GAL3ST1: variants seen among roughly 807,000 people sequenced by gnomAD.
GAL3ST1 encodes galactose-3-O-sulfotransferase 1, also known as galactosylceramide sulfotransferase.
GAL3ST1 carries 13 observed loss-of-function variants against 25.0 expected under a neutral mutation model. The ratio of observed to expected loss-of-function variants is 0.52; its 90% CI spans 0.34 to 0.83. The LOEUF is 0.83. GAL3ST1 is among the 40% of genes least tolerant of loss of function. The probability of loss-of-function intolerance (pLI) is 0.02; values close to 1 mark genes in which losing one functional copy is unlikely to be tolerated. For missense variants in GAL3ST1, 474 were observed against 613.6 expected (o/e 0.77, Z 2.40); for synonymous variants, 274 against 277.8 (o/e 0.99, Z 0.14).
Position 30,554,989 on chromosome 22 carries a change from C to T in GAL3ST1, c.1236G>A (p.Lys412=). 1 of 1,589,574 alleles carries T rather than the reference C, an allele frequency of 6.3e-7. No individual in the cohort carries two copies. Among genetic ancestry groups the T allele is most frequent in the Non-Finnish European group, 8.6e-7 (1 of 1,163,248 alleles). ...GGAAATCGCGAATGAACTTCCAGAG[C>T]TTGGTGACCCACAGGTTGGCGCCGA... The part of the protein sequence containing the change: ...MDLGANLWVT[K]LWKFIRDFLR... Residue 412 remains lysine (K), a synonymous_variant, in exon 4 of 4, where the codon AAG becomes AAA. Coordinates refer to ENST00000406361, the MANE Select transcript of GAL3ST1 (RefSeq NM_001318104.2).
At chr22:30,570,521 A>C (rs2086748521) in intron 1 of GAL3ST1, among the ~76,000 whole-genome samples, 1 of 152,112 alleles carries the variant, frequency 6.6e-6, no homozygotes, top group Non-Finnish European at 1.5e-5. Flanking sequence ...GCCTGACCGG[A>C]TGTGGTGGCT....
chr22:30,554,862 G>T lies in GAL3ST1; in HGVS notation c.*91C>A. Reference sequence around the variant, plus strand: ...ACCCCGGGGTCTGAGGTGGCACCAGGAGGGGGCTGGGGGCGGCCAGCACCA... The same window carrying T: ...ACCCCGGGGTCTGAGGTGGCACCAGTAGGGGGCTGGGGGCGGCCAGCACCA... On this transcript the variant is annotated 3_prime_UTR_variant, in exon 4 of 4. Transcript: ENST00000406361. 1 of 1,063,556 alleles carries T rather than the reference G, an allele frequency of 9.4e-7. No homozygotes were observed. The highest frequency in any genetic ancestry group is 1.3e-6 in the Non-Finnish European group (1 of 762,122). 65.9% of individuals were successfully genotyped at this position (1,063,556 alleles called of 1,614,324 possible).
At position 30,557,288 on chromosome 22, in the gene GAL3ST1, G is replaced by C; in HGVS notation, c.105C>G (p.Pro35=). ...FLLLVYSYAV[P]PLHAGLASTT... Reference sequence around the variant, plus strand: ...TGGAGGCCAGGCCGGCATGCAGCGGGGGCACGGCATAGGAGTACACCAGCA... The same window carrying C: ...TGGAGGCCAGGCCGGCATGCAGCGGCGGCACGGCATAGGAGTACACCAGCA... Residue 35 remains proline, a synonymous_variant, in exon 3 of 4, where the codon CCC becomes CCG. Transcript: ENST00000406361. The C allele has an allele frequency of 1.9e-6, 3 of 1,614,196 alleles. No individual in the cohort carries two copies. Among genetic ancestry groups the C allele is most frequent in the Non-Finnish European group, 2.5e-6 (3 of 1,180,012 alleles).
chr22:30,560,000 G>A (rs1028302759), intron 1 of GAL3ST1, among the ~76,000 whole-genome samples: 13 of 152,148 alleles, frequency 8.5e-5, no homozygotes, highest in Admixed American at 7.9e-4. Context: ...CCTGGGGGAG[G>A]GTCACACACA....
Position 30,557,382 on chromosome 22 carries a change from G to T in GAL3ST1, c.11C>A (p.Pro4Gln). The change falls in exon 3 of 4, where the codon CCG becomes CAG. Residue 4 changes from proline to glutamine, a missense_variant. Pro to Gln is a moderately conservative substitution (Grantham distance 76, BLOSUM62 -1). This residue lies in a region of GAL3ST1 where 115 missense variants were observed against 109.2 expected (regional missense o/e 1.05). Transcript: ENST00000406361. MLPPQKKPWESMAK... is the reference protein window; with the variant it reads MLPQQKKPWESMAK... The stretch of plus-strand genomic sequence containing the variant: ...CATGGACTCCCAGGGCTTCTTCTGC[G>T]GTGGCAGCATCTCAGACACCTGCAG... 6.2e-7 allele frequency: 1 copy of T among 1,614,212 alleles called. No homozygotes were observed. Among genetic ancestry groups the T allele is most frequent in the Non-Finnish European group, 8.5e-7 (1 of 1,180,032 alleles).
rs905571300 is a variant in GAL3ST1 at position 30,565,354 on chromosome 22, G to A, written c.-119-6966C>T. 4.6e-5 allele frequency among the ~76,000 whole-genome samples: 7 copies of A among 152,208 alleles called. No individual in the cohort carries two copies. The East Asian group carries it at 9.6e-4, about 21-fold the overall frequency. ...AGAAACCAAAGCTCAGAGAGGTAAC[G>A]TCACCTGCCCAAGGTCACGCAGCTA... is the stretch of plus-strand genomic sequence containing the variant. On this transcript the variant is annotated intron_variant, in intron 1 of 3. Transcript: ENST00000406361.
chr22:30,556,161 G>A (rs2098351232), intron 3 of GAL3ST1, 68 bp from the exon 4 acceptor site: 3 of 1,260,576 alleles, frequency 2.4e-6, no homozygotes, highest in African/African-American at 1.5e-5. Context: ...CTGGTAGTTA[G>A]AGAGGGAGAT....
rs564033958 is a variant in GAL3ST1, at chr22:30,573,828, G to A, written c.-120+638C>T. On this transcript the variant is annotated intron_variant, in intron 1 of 3. Transcript: ENST00000406361. Reference sequence around the variant, plus strand: ...GGTACCAAAATGCTGGCCTGGCACCGAAGGGGCAGATCAAGCTGGACCCCC... The same window carrying A: ...GGTACCAAAATGCTGGCCTGGCACCAAAGGGGCAGATCAAGCTGGACCCCC... Among the ~76,000 whole-genome samples the A allele has an allele frequency of 1.6e-3, 246 of 152,298 alleles. 1 individual carries two copies. Among genetic ancestry groups the A allele is most frequent in the African/African-American group, 5.6e-3 (233 of 41,558 alleles).
At chr22:30,559,217 A>G (rs993797381) in intron 1 of GAL3ST1, among the ~76,000 whole-genome samples, 2 of 151,714 alleles carry the variant, frequency 1.3e-5, no homozygotes, top group African/African-American at 2.4e-5. Context: ...TTTTGTTGTT[A>G]TTTCCTTATT....
rs145632139 is a variant in GAL3ST1, at chr22:30,555,565, G to A, written c.660C>T (p.Phe220=). 6 of 1,613,468 alleles carry A rather than the reference G, an allele frequency of 3.7e-6. No homozygotes were observed. The highest frequency in any genetic ancestry group is 4.5e-5 in the East Asian group (2 of 44,890). ...NAHYLRNLLF[F]DLGYDNSLDP... ...CCAGGCTGTTGTCATAGCCCAGGTC[G>A]AAGAAGAGCAGGTTTCGGAGGTAGT... The change falls in exon 4 of 4, where the codon TTC becomes TTT. Residue 220 remains phenylalanine (F), a synonymous_variant. Coordinates refer to ENST00000406361, the MANE Select transcript of GAL3ST1 (RefSeq NM_001318104.2). The surrounding 1 kb of genome is among the most constrained non-coding windows in gnomAD (Gnocchi z 8.6).
At chr22:30,571,492 G>A (rs976693898) in intron 1 of GAL3ST1, among the ~76,000 whole-genome samples, 2 of 152,206 alleles carry the variant, frequency 1.3e-5, no homozygotes, top group African/African-American at 2.4e-5. Context: ...TGGCCCAGCA[G>A]TTGAGAGAGG....
chr22:30,565,839 G>A (rs890665977), intron 1 of GAL3ST1, among the ~76,000 whole-genome samples: 1 of 152,160 alleles, frequency 6.6e-6, no homozygotes, highest in Admixed American at 6.5e-5. Context: ...GGGTCTCCTT[G>A]TGCCCAGAAA....
At chr22:30,556,129 G>A (rs1343802985) in intron 3 of GAL3ST1, 36 bp from the exon 4 acceptor site, 3 of 1,530,164 alleles carry the variant, frequency 2.0e-6, no homozygotes, top group Middle Eastern at 1.7e-4. Flanking sequence ...AGCCTCAGGG[G>A]GGTGCTGGGG....
rs541837800 is a variant in GAL3ST1, at chr22:30,572,937, G to A, written c.-120+1529C>T. On this transcript the variant is annotated intron_variant, in intron 1 of 3. Coordinates refer to ENST00000406361, the MANE Select transcript of GAL3ST1 (RefSeq NM_001318104.2). The stretch of plus-strand genomic sequence containing the variant: ...CCCAGTCCCTCAGAACACAGTGGGA[G>A]GGGCTGTGGGGGACACACTCCTCCC... The A allele has an allele frequency of 2.6e-5, 4 of 152,350 alleles. No homozygotes were observed. The East Asian group carries it at 7.7e-4, about 29-fold the overall frequency. The allele number at this position is 152,350 out of a possible 1,614,324, so 9.4% of individuals were successfully genotyped here.
intron 1 of GAL3ST1, among the ~76,000 whole-genome samples, chr22:30,571,693 C>T (rs1331724707): frequency 6.6e-6 from 1 of 152,110 alleles, no homozygotes; most frequent in Non-Finnish European, 1.5e-5. Context: ...GAAATCCCGT[C>T]TCTACTAAAA....
intron 3 of GAL3ST1, 36 bp downstream of exon 3, chr22:30,557,226 A>C: frequency 1.2e-6 from 2 of 1,608,232 alleles, no homozygotes; most frequent in Non-Finnish European, 1.7e-6. Flanking sequence ...TCCCTCCCCC[A>C]CCTACACCCA....
At chr22:30,559,525 C>T (rs936822777) in intron 1 of GAL3ST1, among the ~76,000 whole-genome samples, 3 of 152,260 alleles carry the variant, frequency 2.0e-5, no homozygotes, top group African/African-American at 2.4e-5. Context: ...AGGCATGAGC[C>T]ACCGCGCCTG....
At chr22:30,563,866 A>T (rs1050842870) in intron 1 of GAL3ST1, among the ~76,000 whole-genome samples, 1 of 151,120 alleles carries the variant, frequency 6.6e-6, no homozygotes, top group Non-Finnish European at 1.5e-5. Context: ...CAGCGAGCCG[A>T]GATCACTCCA....
intron 1 of GAL3ST1, among the ~76,000 whole-genome samples, chr22:30,562,940 C>T (rs892232753): frequency 2.6e-5 from 4 of 152,270 alleles, no homozygotes; most frequent in Admixed American, 2.6e-4. Context: ...CATGCTGAAA[C>T]ACCGTCTCTA....
Sources: allele counts gnomAD v4.1 joint callset (sites outside exome capture counted in the v4.1 genomes callset), GRCh38; gene constraint gnomAD v4.1.1; regional missense constraint gnomAD v4.1.1; non-coding constraint Gnocchi (gnomAD v3.1); transcripts MANE v1.5; gene names NCBI Gene and HGNC (gene_info 2026-07-23, HGNC 2026-07-21).